Variants in NTN1 observed in about 807,000 individuals in gnomAD.
The protein encoded by NTN1 is netrin-1.
Under a neutral mutation model 54.2 loss-of-function variants are expected in NTN1, and 11 were observed. The observed-to-expected ratio is 0.20, with a 90% confidence interval of 0.13 to 0.34. The LOEUF is 0.34. Among genes scored for constraint, NTN1 ranks in the 10% least tolerant of loss-of-function variants. The pLI, the probability that NTN1 is intolerant of heterozygous loss-of-function variation, is 1.00. For synonymous variants in NTN1, 371 were observed against 382.0 expected (o/e 0.97, Z 0.33); for missense variants, 740 against 893.1 (o/e 0.83, Z 2.18).
intron 2 of NTN1, among the ~76,000 whole-genome samples, chr17:9,088,613 T>A (rs910024003): frequency 6.6e-6 from 1 of 152,144 alleles, no homozygotes; most frequent in African/African-American, 2.4e-5. Context: ...ATTTGAGGAC[T>A]GAGACCCCAG....
At chr17:9,186,712 G>A (rs1460918298) in intron 5 of NTN1, among the ~76,000 whole-genome samples, 1 of 152,224 alleles carries the variant, frequency 6.6e-6, no homozygotes, top group Non-Finnish European at 1.5e-5. Flanking sequence ...CCTGTGTGGT[G>A]GGGGTGGGGG....
In NTN1 at chr17:9,041,999, A is replaced by G. The variant is rs2091923335; in HGVS notation, c.1018+18608A>G. 2.7e-5 allele frequency among the ~76,000 whole-genome samples: 4 copies of G among 148,042 alleles called. No homozygotes were observed. In the Admixed American group the frequency reaches 2.7e-4, roughly 10 times the overall value. On this transcript the variant is annotated intron_variant, in intron 2 of 6. Transcript: ENST00000173229. ...ACTCCAGCCTGGGCGACAGAGTGGG[A>G]CTCTGTCAAAAAGAAAAAAAAAAAA... is the stretch of plus-strand genomic sequence containing the variant.
chr17:9,204,206 T>TCCTTCCTTCCTG (rs1904897384), intron 5 of NTN1, among the ~76,000 whole-genome samples: 1 of 150,704 alleles, frequency 6.6e-6, no homozygotes. Context: ...CTTCCTTCCT[T>TCCTTCCTTCCTG]CCTTCCTTCC....
chr17:9,116,573 T>C, intron 2 of NTN1, among the ~76,000 whole-genome samples: 1 of 152,174 alleles, frequency 6.6e-6, no homozygotes, highest in East Asian at 1.9e-4. Flanking sequence ...CAGGGCTTTC[T>C]GTAGATAGTG....
intron 5 of NTN1, among the ~76,000 whole-genome samples, chr17:9,200,859 C>G (rs1428541734): frequency 2.6e-5 from 4 of 152,204 alleles, no homozygotes; most frequent in African/African-American, 9.7e-5. Context: ...TAATTGTTAA[C>G]TAAATCCACA....
At chr17:9,111,617 A>G (rs935628549) in intron 2 of NTN1, among the ~76,000 whole-genome samples, 1 of 152,224 alleles carries the variant, frequency 6.6e-6, no homozygotes, top group African/African-American at 2.4e-5. Flanking sequence ...TGACTCCCCC[A>G]AAACGTAACT....
chr17:9,193,936 A>AC lies in NTN1; in HGVS notation c.1411+10967_1411+10968insC, dbSNP rs1567734936. On this transcript the variant is annotated intron_variant, in intron 5 of 6. Transcript: ENST00000173229. ...AACTCCGACTAAAAAAAAAAAAAAA[A>AC]AAAAAAAACATTATGCAGGTTGGGC... Among the ~76,000 whole-genome samples the AC allele has an allele frequency of 7.9e-4, 86 of 108,230 alleles. 1 individual carries two copies. Among genetic ancestry groups the AC allele is most frequent in the African/African-American group, 2.1e-3 (70 of 33,292 alleles). The allele number at this position is 108,230 out of a possible 152,430, so 71.0% of individuals were successfully genotyped here. A position where few individuals can be genotyped will look rare whatever the true frequency, so the allele number is the denominator to read the frequency against.
rs3031879 is a variant in NTN1 at position 9,240,730 on chromosome 17, T to TCTGCCC, written c.*781_*786dup. The stretch of plus-strand genomic sequence containing the variant: ...GAGGAAGCCCCTGCTGCTGCCTGTC[T>TCTGCCC]CTGCCCCTGCCCCTGCCCCTGCCCA... On this transcript the variant is annotated 3_prime_UTR_variant, in exon 7 of 7. Coordinates refer to ENST00000173229, the MANE Select transcript of NTN1 (RefSeq NM_004822.3). The TCTGCCC allele has an allele frequency of 7.4e-3, 1,132 of 153,630 alleles. 5 individuals carry two copies. Among genetic ancestry groups the TCTGCCC allele is most frequent in the South Asian group, 0.027 (131 of 4,842 alleles). The allele number at this position is 153,630 out of a possible 1,614,324, so 9.5% of individuals were successfully genotyped here.
Position 9,221,324 on chromosome 17 carries a change from C to T in NTN1, c.1486+82C>T, listed in dbSNP as rs1272338277. 4 of 1,059,164 alleles carry T rather than the reference C, an allele frequency of 3.8e-6. No homozygotes were observed. Among genetic ancestry groups the T allele is most frequent in the South Asian group, 1.3e-5 (1 of 79,868 alleles). The allele number at this position is 1,059,164 out of a possible 1,614,324, so 65.6% of individuals were successfully genotyped here. Reference sequence around the variant, plus strand: ...GTGCTGGGGCTGGGGTGCAGCTGGCCCCCGATGGGTGTTGGTCGTGAAGAC... The same window carrying T: ...GTGCTGGGGCTGGGGTGCAGCTGGCTCCCGATGGGTGTTGGTCGTGAAGAC... On this transcript the variant is annotated intron_variant, in intron 6 of 6. Coordinates refer to ENST00000173229, the MANE Select transcript of NTN1 (RefSeq NM_004822.3). This position sits in a 1 kb window ranked among gnomAD's most constrained non-coding sequence, Gnocchi z 4.5.
chr17:9,075,416 A>G (rs1227293898), intron 2 of NTN1, among the ~76,000 whole-genome samples: 2 of 152,184 alleles, frequency 1.3e-5, no homozygotes, highest in African/African-American at 2.4e-5. Flanking sequence ...TGGAAGGTGG[A>G]GGTTGTAGTG....
At chr17:9,129,224 A>G (rs78660143) in intron 2 of NTN1, among the ~76,000 whole-genome samples, 4,729 of 152,150 alleles carry the variant, frequency 0.031, 239 homozygotes, top group African/African-American at 0.1. Flanking sequence ...TGGGGACGCC[A>G]TTCAGGGAAT....
intron 3 of NTN1, among the ~76,000 whole-genome samples, chr17:9,170,289 C>A (rs532111696): frequency 1.2e-4 from 19 of 152,184 alleles, no homozygotes; most frequent in Admixed American, 2.6e-4. Flanking sequence ...ATGTAGCATG[C>A]GTTCCATGTA....
At chr17:9,217,404 T>C (rs1490634401) in intron 5 of NTN1, among the ~76,000 whole-genome samples, 2 of 152,228 alleles carry the variant, frequency 1.3e-5, no homozygotes, top group South Asian at 4.1e-4. Context: ...TTTATGGCTG[T>C]TTTGGAACAA....
At chr17:9,222,706 C>T (rs752476797) in intron 6 of NTN1, among the ~76,000 whole-genome samples, 3 of 152,098 alleles carry the variant, frequency 2.0e-5, no homozygotes, top group Non-Finnish European at 4.4e-5. Context: ...CGTGGGGGTC[C>T]GGCAGCCCTA....
intron 2 of NTN1, among the ~76,000 whole-genome samples, chr17:9,107,588 C>T (rs1479369849): frequency 6.6e-6 from 1 of 152,208 alleles, no homozygotes; most frequent in Non-Finnish European, 1.5e-5. Flanking sequence ...CTTCTTTGAA[C>T]TTCTCCACAG....
chr17:9,165,863 T>C lies in NTN1; in HGVS notation c.1207+2862T>C, dbSNP rs1404037954. ...TGAGAAAAAGCATTGCCCAGAGATCTCTGCTTCATGATTGGCAAGAAAATA... is the reference window on the plus strand; with the variant it reads ...TGAGAAAAAGCATTGCCCAGAGATCCCTGCTTCATGATTGGCAAGAAAATA... On this transcript the variant is annotated intron_variant, in intron 3 of 6. Coordinates refer to ENST00000173229, the MANE Select transcript of NTN1 (RefSeq NM_004822.3). This position sits in a 1 kb window ranked among gnomAD's most constrained non-coding sequence, Gnocchi z 4.5. Among the ~76,000 whole-genome samples, 1 of 152,154 alleles carries C rather than the reference T, an allele frequency of 6.6e-6. No homozygotes were observed. Among genetic ancestry groups the C allele is most frequent in the African/African-American group, 2.4e-5 (1 of 41,428 alleles).
intron 2 of NTN1, among the ~76,000 whole-genome samples, chr17:9,055,557 G>T (rs1011475412): frequency 6.6e-6 from 1 of 152,200 alleles, no homozygotes; most frequent in Non-Finnish European, 1.5e-5. Flanking sequence ...CTGGGGGTGA[G>T]ACCATTTCAG....
Position 9,239,799 on chromosome 17 carries a change from T to G in NTN1, c.1646T>G (p.Ile549Ser). Residue 549 changes from isoleucine (I) to serine (S), a missense_variant, in exon 7 of 7, where the codon ATC (isoleucine) becomes AGC (serine). Physicochemically the swap from Ile to Ser is moderately radical, Grantham distance 142. Coordinates refer to ENST00000173229, the MANE Select transcript of NTN1 (RefSeq NM_004822.3). The surrounding 1 kb of genome is among the most constrained non-coding windows in gnomAD (Gnocchi z 5.2). ...GACATCGCCTGCAAGTGTCCCAAAA[T>G]CAAGCCCCTCAAGAAGTACCTGCTG... is the stretch of plus-strand genomic sequence containing the variant. ...SRDIACKCPK[I>S]KPLKKYLLLG... 6.2e-7 allele frequency: 1 copy of G among 1,613,610 alleles called. No individual in the cohort carries two copies.
chr17:9,193,032 A>T (rs1904505285), intron 5 of NTN1, among the ~76,000 whole-genome samples: 1 of 148,172 alleles, frequency 6.7e-6, no homozygotes, highest in Non-Finnish European at 1.5e-5. Flanking sequence ...GTGAGCCAGG[A>T]TCATGCCACT....
Sources: allele counts gnomAD v4.1 joint callset (sites outside exome capture counted in the v4.1 genomes callset), GRCh38; gene constraint gnomAD v4.1.1; non-coding constraint Gnocchi (gnomAD v3.1); transcripts MANE v1.5; gene names NCBI Gene and HGNC (gene_info 2026-07-23, HGNC 2026-07-21).